SGCD: variants seen among roughly 807,000 people sequenced by gnomAD.
SGCD encodes the protein delta-sarcoglycan.
Under a neutral mutation model 36.6 loss-of-function variants are expected in SGCD, and 18 were observed. The ratio of observed to expected loss-of-function variants is 0.49; its 90% CI spans 0.34 to 0.73. The LOEUF is 0.73. SGCD is among the 30% of genes least tolerant of loss of function. The pLI is 0.01. For synonymous variants in SGCD, 133 were observed against 130.6 expected (o/e 1.02, Z -0.12); for missense variants, 387 against 346.7 (o/e 1.12, Z -0.92).
In SGCD at chr5:156,251,660, A is replaced by AC. The variant is rs769537520; in HGVS notation, c.-43-77871dup. On this transcript the variant is annotated intron_variant, in intron 3 of 9. Coordinates refer to the SGCD transcript ENST00000517913. ...CTCCCCAGTAGCTGGGACTACAGGC[A>AC]CCCGCCACCACACCCAGCTAATTTT... Among the ~76,000 whole-genome samples, 137 of 151,704 alleles carry AC rather than the reference A, an allele frequency of 9.0e-4. 1 individual carries two copies. The highest frequency in any genetic ancestry group is 1.8e-3 in the Non-Finnish European group (124 of 67,846).
intron 6 of SGCD, among the ~76,000 whole-genome samples, chr5:156,617,688 A>G (rs1453042380): frequency 6.6e-6 from 1 of 152,130 alleles, no homozygotes; most frequent in African/African-American, 2.4e-5. Flanking sequence ...AAGTGCCCCA[A>G]AGCAAATACT....
At chr5:156,624,339 T>C (rs1464551002) in intron 6 of SGCD, among the ~76,000 whole-genome samples, 1 of 152,204 alleles carries the variant, frequency 6.6e-6, no homozygotes, top group African/African-American at 2.4e-5. Context: ...CCCAGGACTT[T>C]GGGAGGCCAA....
intron 1 of SGCD, among the ~76,000 whole-genome samples, chr5:155,876,917 A>T (rs1047514728): frequency 2.0e-5 from 3 of 152,170 alleles, no homozygotes; most frequent in African/African-American, 2.4e-5. Context: ...AGAAAGGCTG[A>T]TAAGAACATG....
intron 1 of SGCD, among the ~76,000 whole-genome samples, chr5:155,993,546 C>T (rs1758479046): frequency 6.6e-6 from 1 of 151,982 alleles, no homozygotes; most frequent in Non-Finnish European, 1.5e-5. Context: ...AGTTTCGCTA[C>T]ATTGGCCAGA....
At chr5:156,516,238 C>A (rs976864804) in intron 4 of SGCD, among the ~76,000 whole-genome samples, 1 of 151,448 alleles carries the variant, frequency 6.6e-6, no homozygotes, top group Non-Finnish European at 1.5e-5. Context: ...ACACACACAC[C>A]CCCAATAGGG....
At chr5:156,089,753 C>T (rs1761193071) in intron 1 of SGCD, among the ~76,000 whole-genome samples, 1 of 152,146 alleles carries the variant, frequency 6.6e-6, no homozygotes, top group Non-Finnish European at 1.5e-5. Flanking sequence ...AAAACATGTC[C>T]TTGCATTATT....
chr5:156,171,883 T>A (rs901379359), intron 3 of SGCD, among the ~76,000 whole-genome samples: 2 of 152,004 alleles, frequency 1.3e-5, no homozygotes, highest in African/African-American at 4.8e-5. Flanking sequence ...TTTCTAGAAG[T>A]TATGAAACCC....
At chr5:156,438,365 G>A (rs1026041487) in intron 3 of SGCD, among the ~76,000 whole-genome samples, 3 of 152,068 alleles carry the variant, frequency 2.0e-5, no homozygotes, top group East Asian at 1.9e-4. Flanking sequence ...CTTTGGCTCC[G>A]TTTTCTGTGT....
At chr5:156,644,716 T>A (rs1390831965) in intron 6 of SGCD, among the ~76,000 whole-genome samples, 1 of 152,168 alleles carries the variant, frequency 6.6e-6, no homozygotes, top group African/African-American at 2.4e-5. Context: ...CTCTGATGCT[T>A]ATCCCTCATT....
chr5:155,772,524 C>T, the SGCD span, among the ~76,000 whole-genome samples: 1 of 152,144 alleles, frequency 6.6e-6, no homozygotes, highest in Non-Finnish European at 1.5e-5. Context: ...AGAATCCCTG[C>T]TTTTGACCAC....
At chr5:156,233,999 C>A (rs1323105713) in intron 3 of SGCD, among the ~76,000 whole-genome samples, 1 of 152,200 alleles carries the variant, frequency 6.6e-6, no homozygotes, top group Admixed American at 6.5e-5. Context: ...TACTATTTTA[C>A]ATTCTCATCA....
chr5:155,852,126 G>A, the SGCD span, among the ~76,000 whole-genome samples: 1 of 152,160 alleles, frequency 6.6e-6, no homozygotes, highest in African/African-American at 2.4e-5. Flanking sequence ...CCACCTGTAT[G>A]TCCATCAACA....
intron 2 of SGCD, among the ~76,000 whole-genome samples, chr5:156,120,943 GC>G (rs1310962553): frequency 6.6e-6 from 1 of 152,070 alleles, no homozygotes; most frequent in Non-Finnish European, 1.5e-5. Flanking sequence ...CAGAACCGAG[GC>G]CAAGATCATC....
chr5:156,101,902 C>G (rs962531310), intron 1 of SGCD, among the ~76,000 whole-genome samples: 29 of 108,090 alleles, frequency 2.7e-4, no homozygotes, highest in African/African-American at 1.1e-3. Flanking sequence ...GTGTCTCCAG[C>G]TGTGTGTGTG....
intron 2 of SGCD, among the ~76,000 whole-genome samples, chr5:156,122,843 TAAAAAAAAAAAAAAAAAAAAAAAAAAA>T (rs33983852): frequency 1.8e-5 from 1 of 54,158 alleles, no homozygotes; most frequent in Non-Finnish European, 3.2e-5. Context: ...AAAGATGTGG[TAAAAAAAAAAAAAAAAAAAAAAAAAAA>T]AAAAAAAAAA....
intron 1 of SGCD, among the ~76,000 whole-genome samples, chr5:155,981,979 G>GTTATTCTA (rs1758238210): frequency 6.6e-6 from 1 of 152,088 alleles, no homozygotes; most frequent in Admixed American, 6.5e-5. Context: ...AGGAAGGGAG[G>GTTATTCTA]ACCCTGAGAT....
At chr5:156,464,502 G>A (rs1754639091) in intron 3 of SGCD, among the ~76,000 whole-genome samples, 2 of 152,092 alleles carry the variant, frequency 1.3e-5, no homozygotes, top group African/African-American at 2.4e-5. Context: ...TTGCAGGTGT[G>A]AGCCACCATG....
the SGCD span, among the ~76,000 whole-genome samples, chr5:155,728,509 C>A: frequency 4.6e-5 from 7 of 152,168 alleles, no homozygotes; most frequent in Admixed American, 1.3e-4. Context: ...ACACCCACAG[C>A]CTGGAGAAAC....
the SGCD span, among the ~76,000 whole-genome samples, chr5:155,746,798 A>C: frequency 6.6e-6 from 1 of 152,276 alleles, no homozygotes; most frequent in South Asian, 2.1e-4. Flanking sequence ...ATAGCAGTTA[A>C]ATCTGTACTT....
Sources: gnomAD v4.1 joint callset for allele counts (sites outside exome capture counted in the v4.1 genomes callset) on GRCh38, gnomAD v4.1.1 for gene constraint, MANE v1.5 for transcripts, NCBI Gene and HGNC (gene_info 2026-07-23, HGNC 2026-07-21) for gene names.